ADAMTS5: variants seen among roughly 807,000 people sequenced by gnomAD.
ADAMTS5 encodes A disintegrin and metalloproteinase with thrombospondin motifs 5.
Under a neutral mutation model 81.4 loss-of-function variants are expected in ADAMTS5, and 54 were observed. That is an observed-to-expected ratio of 0.66 (90% confidence interval 0.53 to 0.83). The LOEUF is 0.83. Among genes scored for constraint, ADAMTS5 ranks in the 40% least tolerant of loss-of-function variants. The pLI, the probability that ADAMTS5 is intolerant of heterozygous loss-of-function variation, is 0.00. For missense variants in ADAMTS5, 1,194 were observed against 1,229.9 expected (o/e 0.97, Z 0.44); for synonymous variants, 532 against 508.8 (o/e 1.05, Z -0.61).
Position 26,932,700 on chromosome 21 carries a change from C to CAA in ADAMTS5, c.1873+159_1873+160dup, listed in dbSNP as rs199880148. Among the ~76,000 whole-genome samples, 25 of 148,254 alleles carry CAA rather than the reference C, an allele frequency of 1.7e-4. 1 individual carries two copies. The South Asian group carries it at 4.7e-3, about 28-fold the overall frequency. On this transcript the variant is annotated intron_variant, in intron 5 of 7. Coordinates refer to ENST00000284987, the MANE Select transcript of ADAMTS5 (RefSeq NM_007038.5). ...TGGACAACAGTGTGAGACTCCATCTCAAAAAAAAACAAACACATAGGTGTT... is the reference window on the plus strand; with the variant it reads ...TGGACAACAGTGTGAGACTCCATCTCAAAAAAAAAAACAAACACATAGGTGTT...
chr21:26,955,229 C>G (rs1987402129), intron 1 of ADAMTS5, among the ~76,000 whole-genome samples: 1 of 152,190 alleles, frequency 6.6e-6, no homozygotes, highest in Non-Finnish European at 1.5e-5. Context: ...GAAATTCATG[C>G]TAAATTTATC....
Position 26,954,843 on chromosome 21 carries a change from G to A in ADAMTS5, c.1133C>T (p.Thr378Ile). Residue 378 changes from threonine to isoleucine, a missense_variant, in exon 2 of 8, where the codon ACC (threonine) becomes ATC (isoleucine). Transcript: ENST00000284987. Reference sequence around the variant, plus strand: ...GGTCCCAACGTCTGCCATTCCCAGGGTGTCACATGAATGATGCCCACATAA... The same window carrying A: ...GGTCCCAACGTCTGCCATTCCCAGGATGTCACATGAATGATGCCCACATAA... ...EDLCGHHSCD[T>I]LGMADVGTIC... 6.2e-7 allele frequency: 1 copy of A among 1,614,038 alleles called. No homozygotes were observed. The highest frequency in any genetic ancestry group is 8.5e-7 in the Non-Finnish European group (1 of 1,179,982).
At chr21:26,952,113 T>C (rs1266828201) in intron 2 of ADAMTS5, among the ~76,000 whole-genome samples, 1 of 152,142 alleles carries the variant, frequency 6.6e-6, no homozygotes, top group Non-Finnish European at 1.5e-5. Flanking sequence ...TCATATGTAA[T>C]ACAAAAGGGA....
Position 26,932,956 on chromosome 21 carries a change from T to C in ADAMTS5, c.1778A>G (p.His593Arg). Residue 593 changes from histidine (H) to arginine (R), a missense_variant, in exon 5 of 8, where the codon CAC becomes CGC. His to Arg is a conservative substitution (Grantham distance 29). Coordinates refer to ENST00000284987, the MANE Select transcript of ADAMTS5 (RefSeq NM_007038.5). ...CGGGVQFAYR[H>R]CNNPAPRNNG... ...GTTTCTGGGAGCAGGGTTATTACAG[T>C]GACGATAGGCAAACTGCACTCCTCC... is the stretch of plus-strand genomic sequence containing the variant. 6.2e-7 allele frequency: 1 copy of C among 1,613,942 alleles called. No homozygotes were observed. Among genetic ancestry groups the C allele is most frequent in the Non-Finnish European group, 8.5e-7 (1 of 1,179,982 alleles).
At position 26,966,303 on chromosome 21, in the gene ADAMTS5, T is replaced by G; in HGVS notation, c.89A>C (p.Lys30Thr). ...TGCAGCAGTCGGAGGCTGCCCGGCT[T>G]TATCCTGGGCAGGTGTCGCGGCGGG... Reference protein sequence around the residue: ...VGPAATPAQDKAGQPPTAAAA... With the variant: ...VGPAATPAQDTAGQPPTAAAA... The change falls in exon 1 of 8, where the codon AAA (lysine) becomes ACA (threonine). Residue 30 changes from lysine (K) to threonine (T), a missense_variant. Lys to Thr is a moderately conservative substitution (Grantham distance 78). Transcript: ENST00000284987. The G allele has an allele frequency of 6.5e-7, 1 of 1,535,502 alleles. No individual in the cohort carries two copies. Among genetic ancestry groups the G allele is most frequent in the Non-Finnish European group, 8.7e-7 (1 of 1,147,454 alleles).
intron 3 of ADAMTS5, among the ~76,000 whole-genome samples, chr21:26,936,040 T>A (rs1568842709): frequency 1.3e-5 from 2 of 152,204 alleles, no homozygotes; most frequent in African/African-American, 2.4e-5. Context: ...GCAGACCAGT[T>A]ACCCAAGGTC....
intron 1 of ADAMTS5, among the ~76,000 whole-genome samples, chr21:26,957,480 T>G (rs962979796): frequency 1.0e-4 from 15 of 147,336 alleles, no homozygotes; most frequent in Admixed American, 4.0e-4. Flanking sequence ...TAGATAGATA[T>G]AATCTAGACC....
intron 1 of ADAMTS5, among the ~76,000 whole-genome samples, chr21:26,964,833 G>A (rs1376219031): frequency 6.6e-6 from 1 of 152,214 alleles, no homozygotes; most frequent in East Asian, 1.9e-4. Flanking sequence ...GAAGGTCATC[G>A]GATAACAGTG....
At chr21:26,943,871 T>C (rs1227841745) in intron 2 of ADAMTS5, among the ~76,000 whole-genome samples, 2 of 152,210 alleles carry the variant, frequency 1.3e-5, no homozygotes, top group Non-Finnish European at 2.9e-5. Flanking sequence ...TGTGGGATTA[T>C]GTCATAGCCC....
chr21:26,950,019 C>T (rs1232799407), intron 2 of ADAMTS5, among the ~76,000 whole-genome samples: 1 of 152,222 alleles, frequency 6.6e-6, no homozygotes, highest in Non-Finnish European at 1.5e-5. Flanking sequence ...CTTTTAACCA[C>T]ACCAAAACAC....
At chr21:26,935,049 T>A (rs747598888) in intron 3 of ADAMTS5, among the ~76,000 whole-genome samples, 1 of 152,144 alleles carries the variant, frequency 6.6e-6, no homozygotes, top group Non-Finnish European at 1.5e-5. Flanking sequence ...AAAATAGCCC[T>A]TGTGCTAAGG....
At chr21:26,943,742 C>T (rs989138831) in intron 2 of ADAMTS5, among the ~76,000 whole-genome samples, 195 bp from the exon 3 acceptor site, 1 of 152,136 alleles carries the variant, frequency 6.6e-6, no homozygotes, top group Non-Finnish European at 1.5e-5. Context: ...TTTTGGTGAA[C>T]ATTTCGATGG....
chr21:26,955,290 GA>G (rs974767584), intron 1 of ADAMTS5, among the ~76,000 whole-genome samples: 2 of 152,184 alleles, frequency 1.3e-5, no homozygotes, highest in South Asian at 2.1e-4. Context: ...ACTGCAGCCA[GA>G]CGTCTGCAGC....
Position 26,924,377 on chromosome 21 carries a change from G to A in ADAMTS5, c.2469C>T (p.Tyr823=), listed in dbSNP as rs1986765489. The change falls in exon 8 of 8, where the codon TAC becomes TAT. Residue 823 remains tyrosine, a synonymous_variant. Coordinates refer to ENST00000284987, the MANE Select transcript of ADAMTS5 (RefSeq NM_007038.5). The part of the protein sequence containing the change: ...HRDDFLHGMG[Y]SATKEILIVQ... ...CTATTAGAATTTCCTTCGTGGCAGAGTAGCCCATGCCATGCAGGAAGTCAT... is the reference window on the plus strand; with the variant it reads ...CTATTAGAATTTCCTTCGTGGCAGAATAGCCCATGCCATGCAGGAAGTCAT... The A allele has an allele frequency of 6.2e-7, 1 of 1,614,148 alleles. No individual in the cohort carries two copies. Among genetic ancestry groups the A allele is most frequent in the South Asian group, 1.1e-5 (1 of 91,092 alleles).
chr21:26,940,995 A>C (rs1394708255), intron 3 of ADAMTS5, among the ~76,000 whole-genome samples: 2 of 152,186 alleles, frequency 1.3e-5, no homozygotes, highest in Non-Finnish European at 2.9e-5. Context: ...TCAATTCTGA[A>C]TCTGAGTATG....
In ADAMTS5 at chr21:26,962,176, G is replaced by A. The variant is rs545950565; in HGVS notation, c.1104+3112C>T. The stretch of plus-strand genomic sequence containing the variant: ...AAACAATTTCCTATTTTGTTATCAA[G>A]CAGGTAGGCTTTTGTTTCTAAAGAG... On this transcript the variant is annotated intron_variant, in intron 1 of 7. Coordinates refer to ENST00000284987, the MANE Select transcript of ADAMTS5 (RefSeq NM_007038.5). 2.0e-5 allele frequency among the ~76,000 whole-genome samples: 3 copies of A among 150,212 alleles called. No homozygotes were observed. The South Asian group carries it at 6.6e-4, about 33-fold the overall frequency.
At chr21:26,946,466 G>T (rs1014072389) in intron 2 of ADAMTS5, among the ~76,000 whole-genome samples, 1 of 152,156 alleles carries the variant, frequency 6.6e-6, no homozygotes, top group Non-Finnish European at 1.5e-5. Flanking sequence ...GCTGACAACT[G>T]TCTTTTAAGT....
At chr21:26,958,498 C>T (rs1390802542) in intron 1 of ADAMTS5, among the ~76,000 whole-genome samples, 2 of 152,140 alleles carry the variant, frequency 1.3e-5, no homozygotes, top group Admixed American at 6.5e-5. Flanking sequence ...TCAGCAGAGA[C>T]TACATTAATT....
In ADAMTS5 at chr21:26,934,460, A is replaced by G. The variant is rs1986972138; in HGVS notation, c.1689+6T>C. On this transcript the variant is annotated splice_donor_region_variant and intron_variant, in intron 4 of 7. Transcript: ENST00000284987. ...CCAGGCATTGACTGATGAGAAAATC[A>G]CTTACTGAATAATATTTTTTCTTGG... 2 of 1,614,070 alleles carry G rather than the reference A, an allele frequency of 1.2e-6. No individual in the cohort carries two copies. Among genetic ancestry groups the G allele is most frequent in the Non-Finnish European group, 1.7e-6 (2 of 1,179,942 alleles).
Sources: allele counts gnomAD v4.1 joint callset (sites outside exome capture counted in the v4.1 genomes callset), GRCh38; gene constraint gnomAD v4.1.1; transcripts MANE v1.5; gene names NCBI Gene and HGNC (gene_info 2026-07-23, HGNC 2026-07-21).